TMEFF2: variants seen among roughly 807,000 people sequenced by gnomAD.
TMEFF2 encodes transmembrane protein with EGF like and two follistatin like domains 2.
Under a neutral mutation model 53.8 loss-of-function variants are expected in TMEFF2, and 28 were observed. The observed-to-expected ratio is 0.52, with a 90% CI of 0.39 to 0.71. TMEFF2 has a LOEUF of 0.71. Ranked by LOEUF, TMEFF2 falls within the 30% of genes least tolerant of loss-of-function variation. TMEFF2 has a pLI of 0.00. For missense variants in TMEFF2, 353 were observed against 455.2 expected (o/e 0.78, Z 2.04); for synonymous variants, 162 against 166.3 (o/e 0.97, Z 0.20).
chr2:192,140,276 G>A (rs1191956452), intron 4 of TMEFF2, among the ~76,000 whole-genome samples: 10 of 152,080 alleles, frequency 6.6e-5, no homozygotes, highest in African/African-American at 2.2e-4. Context: ...AGTTTTAATC[G>A]AGCTTTATAA....
At position 192,194,703 on chromosome 2, in the gene TMEFF2, A is replaced by G; in HGVS notation, c.-179T>C. The G allele has an allele frequency of 1.5e-6, 1 of 646,138 alleles. No homozygotes were observed. Among genetic ancestry groups the G allele is most frequent in the South Asian group, 1.9e-5 (1 of 53,052 alleles). 40.0% of individuals were successfully genotyped at this position (646,138 alleles called of 1,614,324 possible). A position where few individuals can be genotyped will look rare whatever the true frequency, so the allele number is the denominator to read the frequency against. ...GCGCATGATCTCGAGAGTTTCAGCA[A>G]CATCCAGGGACTGGGCTCAGCCCCG... is the stretch of plus-strand genomic sequence containing the variant. On this transcript the variant is annotated 5_prime_UTR_variant, in exon 1 of 10. Transcript: ENST00000272771. This position sits in a 1 kb window ranked among gnomAD's most constrained non-coding sequence, Gnocchi z 4.2.
At chr2:191,954,010 C>T (rs1317352104) in intron 8 of TMEFF2, among the ~76,000 whole-genome samples, 173 bp from the exon 9 acceptor site, 2 of 151,398 alleles carry the variant, frequency 1.3e-5, no homozygotes, top group African/African-American at 4.8e-5. Context: ...GCCTCAGCCT[C>T]CCGAGTAGCT....
rs545990039 is a variant in TMEFF2, at chr2:192,041,206, A to C, written c.536+16473T>G. Among the ~76,000 whole-genome samples the C allele has an allele frequency of 2.4e-4, 36 of 152,310 alleles. No homozygotes were observed. In the South Asian group the frequency reaches 7.2e-3, roughly 31 times the overall value. On this transcript the variant is annotated intron_variant, in intron 5 of 9. Coordinates refer to ENST00000272771, the MANE Select transcript of TMEFF2 (RefSeq NM_016192.4). ...AAAATAGAGAAACTACCTGCAAACC[A>C]TATATCTGCCAGGGAACTTATATTT...
At chr2:191,965,686 A>G (rs1692449823) in intron 7 of TMEFF2, among the ~76,000 whole-genome samples, 1 of 152,036 alleles carries the variant, frequency 6.6e-6, no homozygotes, top group African/African-American at 2.4e-5. Context: ...ATCATATGAA[A>G]TTTTTCTCTC....
chr2:191,957,540 T>C (rs1692143192), intron 7 of TMEFF2, among the ~76,000 whole-genome samples: 1 of 152,208 alleles, frequency 6.6e-6, no homozygotes, highest in Non-Finnish European at 1.5e-5. Context: ...AACATGCCTC[T>C]GGTATTAGCG....
At chr2:192,192,052 C>A in intron 1 of TMEFF2, 63 bp from the exon 2 acceptor site, 1 of 1,189,582 alleles carries the variant, frequency 8.4e-7, no homozygotes, top group East Asian at 2.5e-5. Flanking sequence ...CAAAAAAAAG[C>A]ACTACTTTGA....
intron 7 of TMEFF2, among the ~76,000 whole-genome samples, chr2:191,961,953 A>G (rs555450730): frequency 1.3e-5 from 2 of 152,310 alleles, no homozygotes; most frequent in East Asian, 3.9e-4. Flanking sequence ...TCTGGGACAC[A>G]GACTCAAATA....
In TMEFF2 at chr2:192,107,290, T is replaced by G. The variant is rs76683605; in HGVS notation, c.440-49515A>C. 5.6e-3 allele frequency among the ~76,000 whole-genome samples: 852 copies of G among 151,826 alleles called. 10 individuals carry two copies. The highest frequency in any genetic ancestry group is 0.02 in the African/African-American group (825 of 41,532). The stretch of plus-strand genomic sequence containing the variant: ...AACTGAACCCTGGATTCTGGGTGCT[T>G]CAGCATCACTTACTGATGAAGAATC... On this transcript the variant is annotated intron_variant, in intron 4 of 9. Coordinates refer to ENST00000272771, the MANE Select transcript of TMEFF2 (RefSeq NM_016192.4).
intron 4 of TMEFF2, among the ~76,000 whole-genome samples, chr2:192,141,459 G>GAA (rs397987092): frequency 1.0e-4 from 11 of 107,260 alleles, no homozygotes; most frequent in South Asian, 3.3e-4. Context: ...TCTCAAAAAA[G>GAA]AAAAAAAAAA....
chr2:192,095,355 TTGGC>T (rs1209477005), intron 4 of TMEFF2, among the ~76,000 whole-genome samples: 1 of 152,110 alleles, frequency 6.6e-6, no homozygotes, highest in Non-Finnish European at 1.5e-5. Context: ...TACAGTTATG[TTGGC>T]TCATGTCTGT....
chr2:192,159,760 T>G (rs2106009864), intron 4 of TMEFF2, among the ~76,000 whole-genome samples: 1 of 152,268 alleles, frequency 6.6e-6, no homozygotes, highest in Admixed American at 6.6e-5. Flanking sequence ...TCAGCAAAAC[T>G]TATTGCCATG....
At chr2:192,036,534 C>G (rs1687297184) in intron 5 of TMEFF2, among the ~76,000 whole-genome samples, 1 of 152,136 alleles carries the variant, frequency 6.6e-6, no homozygotes, top group Non-Finnish European at 1.5e-5. Flanking sequence ...TCATATAACT[C>G]CTGAATAAAT....
intron 5 of TMEFF2, among the ~76,000 whole-genome samples, chr2:192,017,259 G>A (rs1686764439): frequency 6.6e-6 from 1 of 152,172 alleles, no homozygotes; most frequent in Non-Finnish European, 1.5e-5. Flanking sequence ...GACCTGCTAA[G>A]GACTTTGAAA....
intron 7 of TMEFF2, among the ~76,000 whole-genome samples, chr2:191,966,152 T>C (rs926279086): frequency 6.6e-6 from 1 of 152,156 alleles, no homozygotes; most frequent in Admixed American, 6.5e-5. Flanking sequence ...AGAAAAGGAA[T>C]CTTAACTTTG....
At chr2:192,063,618 TTTAA>T (rs576609585) in intron 4 of TMEFF2, among the ~76,000 whole-genome samples, 71 of 151,994 alleles carry the variant, frequency 4.7e-4, no homozygotes, top group African/African-American at 1.4e-3. Context: ...CTGATTTTTA[TTTAA>T]TTGTTTTATC....
intron 5 of TMEFF2, among the ~76,000 whole-genome samples, chr2:192,012,261 T>C (rs1167482939): frequency 6.6e-6 from 1 of 152,256 alleles, no homozygotes; most frequent in African/African-American, 2.4e-5. Context: ...ACACTATATA[T>C]GGACATAGCA....
At chr2:192,162,560 C>T (rs1331591399) in intron 4 of TMEFF2, among the ~76,000 whole-genome samples, 1 of 152,114 alleles carries the variant, frequency 6.6e-6, no homozygotes, top group African/African-American at 2.4e-5. Flanking sequence ...CCCTTAACTA[C>T]ACAAACCTAC....
intron 4 of TMEFF2, among the ~76,000 whole-genome samples, chr2:192,132,776 A>G (rs1416006154): frequency 6.6e-6 from 1 of 152,166 alleles, no homozygotes; most frequent in Non-Finnish European, 1.5e-5. Flanking sequence ...CCATCTGTGC[A>G]GGACCTCGCT....
At chr2:192,122,749 C>A (rs1689586821) in intron 4 of TMEFF2, among the ~76,000 whole-genome samples, 1 of 152,000 alleles carries the variant, frequency 6.6e-6, no homozygotes, top group Non-Finnish European at 1.5e-5. Context: ...AAATAAAATA[C>A]CCTGTAATCA....
Sources: gnomAD v4.1 joint callset for allele counts (sites outside exome capture counted in the v4.1 genomes callset) on GRCh38, gnomAD v4.1.1 for gene constraint, Gnocchi (gnomAD v3.1) non-coding constraint, MANE v1.5 for transcripts, NCBI Gene and HGNC (gene_info 2026-07-23, HGNC 2026-07-21) for gene names.